GALNT17: variants seen among roughly 807,000 people sequenced by gnomAD.
The protein encoded by GALNT17 is polypeptide N-acetylgalactosaminyltransferase 17.
A neutral mutation model predicts 63.7 loss-of-function variants in GALNT17; 29 were observed. The observed-to-expected ratio is 0.46, with a 90% CI of 0.34 to 0.62. The LOEUF (loss-of-function observed/expected upper bound fraction) is 0.62. Ranked by LOEUF, GALNT17 falls within the 20% of genes least tolerant of loss-of-function variation. GALNT17 has a pLI of 0.01. For synonymous variants in GALNT17, 305 were observed against 318.3 expected (o/e 0.96, Z 0.45); for missense variants, 603 against 799.6 (o/e 0.75, Z 2.97).
intron 1 of GALNT17, among the ~76,000 whole-genome samples, chr7:71,198,016 G>A (rs1789088813): frequency 6.6e-6 from 1 of 151,824 alleles, no homozygotes; most frequent in African/African-American, 2.4e-5. Flanking sequence ...TGGCCAACAT[G>A]GTGAAACTGT....
intron 6 of GALNT17, among the ~76,000 whole-genome samples, chr7:71,583,657 A>G (rs1356262910): frequency 6.6e-6 from 1 of 152,184 alleles, no homozygotes; most frequent in African/African-American, 2.4e-5. Context: ...ATGTATTGCC[A>G]TCCTCTTAAA....
intron 1 of GALNT17, among the ~76,000 whole-genome samples, chr7:71,144,968 TTTGC>T (rs1787989899): frequency 2.0e-5 from 3 of 152,136 alleles, no homozygotes; most frequent in Admixed American, 1.3e-4. Context: ...GACTTCGTGA[TTTGC>T]CCACCTTGGC....
intron 5 of GALNT17, among the ~76,000 whole-genome samples, chr7:71,471,829 G>A (rs1261980626): frequency 6.6e-6 from 1 of 151,862 alleles, no homozygotes; most frequent in Non-Finnish European, 1.5e-5. Context: ...CCTAATATTT[G>A]CATTTCATGA....
intron 6 of GALNT17, among the ~76,000 whole-genome samples, chr7:71,602,915 T>TA (rs1445568168): frequency 6.6e-6 from 1 of 152,162 alleles, no homozygotes; most frequent in Non-Finnish European, 1.5e-5. Flanking sequence ...CACTAAATGT[T>TA]ATGCTAAGTG....
At chr7:71,551,236 C>A (rs1457778440) in intron 5 of GALNT17, among the ~76,000 whole-genome samples, 1 of 152,148 alleles carries the variant, frequency 6.6e-6, no homozygotes, top group African/African-American at 2.4e-5. Context: ...GTCTAATCTG[C>A]TGATAAATGA....
Position 71,335,312 on chromosome 7 carries a change from T to C in GALNT17, c.239-238T>C, listed in dbSNP as rs191554726. On this transcript the variant is annotated intron_variant, in intron 1 of 10. Coordinates refer to ENST00000333538, the MANE Select transcript of GALNT17 (RefSeq NM_022479.3). The stretch of plus-strand genomic sequence containing the variant: ...ACGCCCAGCTAATTTTTGTATTTTT[T>C]GGTAGAGACAGAGGGAGAGGATTCT... 2.6e-5 allele frequency among the ~76,000 whole-genome samples: 4 copies of C among 152,134 alleles called. No homozygotes were observed. In the East Asian group the frequency reaches 7.8e-4, roughly 29 times the overall value.
intron 6 of GALNT17, among the ~76,000 whole-genome samples, chr7:71,591,963 G>A (rs535861335): frequency 2.2e-4 from 33 of 152,290 alleles, no homozygotes; most frequent in African/African-American, 6.0e-4. Flanking sequence ...GCACCCTGCC[G>A]AAATGTCATT....
intron 5 of GALNT17, among the ~76,000 whole-genome samples, chr7:71,444,630 G>T (rs1021467639): frequency 2.0e-5 from 3 of 152,172 alleles, no homozygotes; most frequent in Admixed American, 6.5e-5. Flanking sequence ...GAGGTTAGGA[G>T]TTCCAGACCA....
At chr7:71,614,856 C>G (rs189691913) in intron 6 of GALNT17, among the ~76,000 whole-genome samples, 64 of 102,572 alleles carry the variant, frequency 6.2e-4, no homozygotes, top group African/African-American at 2.3e-3. Flanking sequence ...GAGAAAGAAA[C>G]AGAAAAACAA....
At chr7:71,229,404 T>G (rs544143163) in intron 1 of GALNT17, among the ~76,000 whole-genome samples, 2 of 152,324 alleles carry the variant, frequency 1.3e-5, no homozygotes, top group South Asian at 4.1e-4. Context: ...TGGCCCCGTC[T>G]GGACCCAGAC....
chr7:71,621,222 C>A (rs904179626), intron 6 of GALNT17, among the ~76,000 whole-genome samples: 1 of 150,902 alleles, frequency 6.6e-6, no homozygotes, highest in African/African-American at 2.4e-5. Flanking sequence ...TTTTTTTTTT[C>A]TCCCTTGCCT....
At chr7:71,181,253 T>TA (rs34436643) in intron 1 of GALNT17, among the ~76,000 whole-genome samples, 4,280 of 134,896 alleles carry the variant, frequency 0.032, 211 homozygotes, top group African/African-American at 0.11. Context: ...AGACTCGTCT[T>TA]AAAAAAAAAA....
intron 1 of GALNT17, among the ~76,000 whole-genome samples, chr7:71,311,450 T>G (rs1369429321): frequency 6.6e-6 from 1 of 152,196 alleles, no homozygotes; most frequent in Non-Finnish European, 1.5e-5. Flanking sequence ...GTGCTGTTAT[T>G]GCAAGACCCC....
At chr7:71,430,733 C>T (rs956012062) in intron 5 of GALNT17, among the ~76,000 whole-genome samples, 1 of 151,996 alleles carries the variant, frequency 6.6e-6, no homozygotes, top group Admixed American at 6.6e-5. Context: ...ATATAGTTGC[C>T]GGGATCTCAA....
intron 2 of GALNT17, among the ~76,000 whole-genome samples, chr7:71,372,258 G>A (rs975605924): frequency 5.3e-5 from 8 of 152,108 alleles, no homozygotes; most frequent in Non-Finnish European, 7.4e-5. Context: ...TCCACCTCCC[G>A]GCCTCAAGCG....
At chr7:71,192,980 C>G (rs932871700) in intron 1 of GALNT17, among the ~76,000 whole-genome samples, 7 of 151,134 alleles carry the variant, frequency 4.6e-5, no homozygotes, top group Non-Finnish European at 7.4e-5. Context: ...AATAGCCTCT[C>G]TTTACACAGG....
chr7:71,417,790 A>G (rs1480618143), intron 4 of GALNT17, among the ~76,000 whole-genome samples: 1 of 152,148 alleles, frequency 6.6e-6, no homozygotes, highest in Admixed American at 6.5e-5. Flanking sequence ...TTCCTTTCAA[A>G]ACTGAAAGGA....
intron 5 of GALNT17, among the ~76,000 whole-genome samples, chr7:71,451,336 CTA>C (rs1449039674): frequency 1.3e-5 from 2 of 152,174 alleles, no homozygotes; most frequent in Non-Finnish European, 2.9e-5. Context: ...AGTGATTAGT[CTA>C]TGCCAGTTTT....
rs75532060 is a variant in GALNT17 at position 71,647,853 on chromosome 7, C to T, written c.1081-17558C>T. Among the ~76,000 whole-genome samples the T allele has an allele frequency of 2.0e-3, 305 of 152,320 alleles. 2 individuals are homozygous for T. Among genetic ancestry groups the T allele is most frequent in the African/African-American group, 6.9e-3 (288 of 41,570 alleles). ...GCTGCAGTCCAGGTGTCTGGGGGGC[C>T]GTCTAGTGAGACAACAAGAGAGTCC... On this transcript the variant is annotated intron_variant, in intron 6 of 10. Coordinates refer to ENST00000333538, the MANE Select transcript of GALNT17 (RefSeq NM_022479.3).
Sources: gnomAD v4.1 joint callset for allele counts (sites outside exome capture counted in the v4.1 genomes callset) on GRCh38, gnomAD v4.1.1 for gene constraint, MANE v1.5 for transcripts, NCBI Gene and HGNC (gene_info 2026-07-23, HGNC 2026-07-21) for gene names.